Variants in AGBL4 observed in about 807,000 individuals in gnomAD.
AGBL4 encodes the protein cytosolic carboxypeptidase 6.
AGBL4 carries 58 observed loss-of-function variants against 66.4 expected under a neutral mutation model. The ratio of observed to expected loss-of-function variants is 0.87; its 90% CI spans 0.71 to 1.09. The LOEUF is 1.09. Among genes scored for constraint, AGBL4 ranks in the 50% least tolerant of loss-of-function variants. AGBL4 has a pLI of 0.00. For missense variants in AGBL4, 579 were observed against 631.0 expected, an observed-to-expected ratio of 0.92 and a Z score of 0.88; for synonymous variants, 234 against 222.9, an observed-to-expected ratio of 1.05 and a Z score of -0.44.
chr1:48,613,498 T>C (rs1351109171), intron 9 of AGBL4, among the ~76,000 whole-genome samples: 1 of 152,214 alleles, frequency 6.6e-6, no homozygotes, highest in Non-Finnish European at 1.5e-5. Context: ...ATTGTCATTT[T>C]TGTTTGCCTA....
At chr1:49,361,326 G>C (rs1298088120) in intron 3 of AGBL4, among the ~76,000 whole-genome samples, 4 of 151,894 alleles carry the variant, frequency 2.6e-5, no homozygotes, top group African/African-American at 9.7e-5. Context: ...CACAGAACCA[G>C]ACACAGAATT....
Position 49,515,746 on chromosome 1 carries a change from G to A in AGBL4, c.282+181567C>T, listed in dbSNP as rs564280780. Among the ~76,000 whole-genome samples the A allele has an allele frequency of 2.6e-5, 4 of 151,872 alleles. No individual in the cohort carries two copies. The East Asian group carries it at 5.8e-4, about 22-fold the overall frequency. On this transcript the variant is annotated intron_variant, in intron 3 of 13. Transcript: ENST00000371839. The stretch of plus-strand genomic sequence containing the variant: ...AGTTCATGTCCTCTGTAGGGACATG[G>A]ATGAAGCTGGAAACCATCATTCTCA...
At chr1:49,273,286 G>A (rs1290415125) in intron 3 of AGBL4, among the ~76,000 whole-genome samples, 1 of 151,856 alleles carries the variant, frequency 6.6e-6, no homozygotes, top group Non-Finnish European at 1.5e-5. Context: ...GTTACTGAGA[G>A]TTAACATCAT....
chr1:49,441,851 CT>C (rs1241140166), intron 3 of AGBL4, among the ~76,000 whole-genome samples: 2 of 152,186 alleles, frequency 1.3e-5, no homozygotes, highest in East Asian at 1.9e-4. Context: ...CCAGTCACCC[CT>C]ATCATCACCC....
intron 3 of AGBL4, among the ~76,000 whole-genome samples, chr1:49,385,542 GT>G (rs886750384): frequency 1.3e-5 from 2 of 151,710 alleles, no homozygotes; most frequent in African/African-American, 4.8e-5. Context: ...CTTCTTTATT[GT>G]TTTTTGATGT....
chr1:49,636,105 T>TAA (rs956537387), intron 3 of AGBL4, among the ~76,000 whole-genome samples: 7 of 152,116 alleles, frequency 4.6e-5, no homozygotes. Flanking sequence ...TAATTACAGA[T>TAA]AGATTATAAA....
At chr1:48,555,829 C>A (rs188016590) in intron 11 of AGBL4, among the ~76,000 whole-genome samples, 9 of 152,150 alleles carry the variant, frequency 5.9e-5, no homozygotes, top group African/African-American at 2.2e-4. Flanking sequence ...AAATATTTGT[C>A]TAGTAAGAAA....
intron 5 of AGBL4, among the ~76,000 whole-genome samples, chr1:48,980,982 T>C (rs1238040599): frequency 6.6e-6 from 1 of 151,956 alleles, no homozygotes; most frequent in Non-Finnish European, 1.5e-5. Flanking sequence ...AAGGCTGAGA[T>C]TAAATCTGAC....
chr1:49,067,198 G>C (rs778391872), intron 4 of AGBL4, among the ~76,000 whole-genome samples: 2 of 152,180 alleles, frequency 1.3e-5, no homozygotes, highest in Non-Finnish European at 2.9e-5. Context: ...AGATGATTAA[G>C]AGCTCACCAA....
At chr1:49,913,064 CATTTCCT>C (rs1188380432) in intron 1 of AGBL4, among the ~76,000 whole-genome samples, 3 of 152,224 alleles carry the variant, frequency 2.0e-5, no homozygotes, top group African/African-American at 7.2e-5. Flanking sequence ...CCCCAAATCT[CATTTCCT>C]TTGCACATAC....
At chr1:48,890,231 A>G (rs1650806136) in intron 5 of AGBL4, among the ~76,000 whole-genome samples, 1 of 152,068 alleles carries the variant, frequency 6.6e-6, no homozygotes, top group Non-Finnish European at 1.5e-5. Context: ...CCCCCTCTCC[A>G]TACCCAGAAT....
At chr1:49,315,028 C>T (rs1645013831) in intron 3 of AGBL4, among the ~76,000 whole-genome samples, 1 of 152,044 alleles carries the variant, frequency 6.6e-6, no homozygotes, top group African/African-American at 2.4e-5. Flanking sequence ...CTACAGTAAC[C>T]AAACCAGCAT....
intron 3 of AGBL4, among the ~76,000 whole-genome samples, chr1:49,299,254 A>T (rs983363764): frequency 6.6e-6 from 1 of 152,154 alleles, no homozygotes; most frequent in Non-Finnish European, 1.5e-5. Flanking sequence ...TCTGAAATGG[A>T]TCTTACTTTC....
chr1:49,242,556 A>T (rs961771835), intron 4 of AGBL4, among the ~76,000 whole-genome samples: 2 of 152,002 alleles, frequency 1.3e-5, no homozygotes, highest in African/African-American at 4.8e-5. Flanking sequence ...AGTTCCTAGC[A>T]GTGCCTAGCA....
intron 1 of AGBL4, among the ~76,000 whole-genome samples, chr1:49,896,029 A>G (rs1301586851): frequency 6.6e-6 from 1 of 152,008 alleles, no homozygotes; most frequent in African/African-American, 2.4e-5. Flanking sequence ...TGAAAATGAA[A>G]GAATGCAAAA....
chr1:49,728,498 G>A (rs775776624), intron 2 of AGBL4, among the ~76,000 whole-genome samples: 2 of 152,196 alleles, frequency 1.3e-5, no homozygotes, highest in African/African-American at 2.4e-5. Context: ...TGTTCCCAGA[G>A]GAAGTGCACT....
chr1:49,646,636 C>G lies in AGBL4; in HGVS notation c.282+50677G>C, dbSNP rs370188756. Among the ~76,000 whole-genome samples, 6 of 151,786 alleles carry G rather than the reference C, an allele frequency of 4.0e-5. No individual in the cohort carries two copies. In the East Asian group the frequency reaches 5.8e-4, roughly 15 times the overall value. On this transcript the variant is annotated intron_variant, in intron 3 of 13. Transcript: ENST00000371839. Reference sequence around the variant, plus strand: ...CTGATCTGTAGATTCAGTGCAATCCCAATAATATCTCAACAAGGTTTTTTA... The same window carrying G: ...CTGATCTGTAGATTCAGTGCAATCCGAATAATATCTCAACAAGGTTTTTTA...
chr1:49,506,439 G>A (rs889647358), intron 3 of AGBL4, among the ~76,000 whole-genome samples: 3 of 151,976 alleles, frequency 2.0e-5, no homozygotes, highest in African/African-American at 4.8e-5. Flanking sequence ...CCCAGTGGGC[G>A]GTACTTGAAT....
At chr1:49,777,344 T>G (rs939505607) in intron 2 of AGBL4, among the ~76,000 whole-genome samples, 1 of 152,154 alleles carries the variant, frequency 6.6e-6, no homozygotes, top group Non-Finnish European at 1.5e-5. Context: ...TTTTTTTAAA[T>G]CCCAGAATCA....
Sources: gnomAD v4.1 joint callset for allele counts (sites outside exome capture counted in the v4.1 genomes callset) on GRCh38, gnomAD v4.1.1 for gene constraint, MANE v1.5 for transcripts, NCBI Gene and HGNC (gene_info 2026-07-23, HGNC 2026-07-21) for gene names.